The following CASK variants were observed in gnomAD, a reference collection of about 807,000 sequenced individuals.
The protein encoded by CASK is peripheral plasma membrane protein CASK.
CASK carries 4 observed loss-of-function variants against 82.9 expected under a neutral mutation model. That is an observed-to-expected ratio of 0.05 (90% confidence interval 0.02 to 0.11). The LOEUF is 0.11. Among genes scored for constraint, CASK ranks in the 10% least tolerant of loss-of-function variants. The pLI is 1.00. For missense variants in CASK, 358 were observed against 720.9 expected (o/e 0.50, Z 5.76); for synonymous variants, 259 against 253.5 (o/e 1.02, Z -0.20).
At chrX:41,751,861 G>A (rs907715717) in intron 3 of CASK, among the ~76,000 whole-genome samples, 1 of 110,228 alleles carries the variant, frequency 9.1e-6, no homozygotes, top group African/African-American at 3.3e-5. Flanking sequence ...CTGGGCAAAA[G>A]AGTGAGATGC....
At chrX:41,556,557 AAC>A (rs1260307878) in intron 19 of CASK, among the ~76,000 whole-genome samples, 1 of 112,099 alleles carries the variant, frequency 8.9e-6, no homozygotes, top group African/African-American at 3.2e-5. Flanking sequence ...GTACCACAAT[AAC>A]AGAGGGCACA....
At chrX:41,854,224 G>GCGCGCGCGCA (rs1367817089) in intron 1 of CASK, among the ~76,000 whole-genome samples, 7 of 81,716 alleles carry the variant, frequency 8.6e-5, no homozygotes, top group African/African-American at 3.2e-4. Context: ...GCGGGCGCGC[G>GCGCGCGCGCA]CACACACACA....
chrX:41,922,825 G>A (rs1021646309), intron 1 of CASK, 105 bp downstream of exon 1: 23 of 661,813 alleles, frequency 3.5e-5, no homozygotes, highest in Non-Finnish European at 4.9e-5. Flanking sequence ...AGGGGAAGAG[G>A]GGAAGGAGGG....
chrX:41,873,653 A>G (rs1356681833), intron 1 of CASK, among the ~76,000 whole-genome samples: 1 of 111,855 alleles, frequency 8.9e-6, no homozygotes, highest in African/African-American at 3.2e-5. Context: ...CTTTCTAGGG[A>G]ACACATCAAA....
Position 41,564,755 on chromosome X carries a change from C to G in CASK, c.1583-3111G>C, listed in dbSNP as rs746440398. On this transcript the variant is annotated intron_variant, in intron 16 of 26. Transcript: ENST00000378163. ...GGACCTAATAGACATCTACAGAACCCTCCACCCAAAATCAACAGAATATAT... is the reference window on the plus strand; with the variant it reads ...GGACCTAATAGACATCTACAGAACCGTCCACCCAAAATCAACAGAATATAT... Among the ~76,000 whole-genome samples, 3 of 111,898 alleles carry G rather than the reference C, an allele frequency of 2.7e-5. 1 individual carries two copies. In the South Asian group the frequency reaches 1.1e-3, roughly 42 times the overall value.
intron 12 of CASK, among the ~76,000 whole-genome samples, chrX:41,594,405 C>G (rs976084824): frequency 8.9e-6 from 1 of 112,301 alleles, no homozygotes; most frequent in Admixed American, 9.4e-5. Flanking sequence ...ACGCATTAGA[C>G]ACTGGAGGTG....
intron 18 of CASK, 98 bp downstream of exon 18, chrX:41,559,681 G>T: frequency 1.4e-6 from 1 of 723,337 alleles, no homozygotes; most frequent in Non-Finnish European, 2.2e-6. Context: ...TAACAGCACA[G>T]GCAGAAACAA....
rs200958038 is a variant in CASK at position 41,593,218 on chromosome X, C to CA, written c.1156-3627dup. On this transcript the variant is annotated intron_variant, in intron 12 of 26. Transcript: ENST00000378163. ...CTCAAGTCCTAGAAACTGCACCTCTCAAGGCAGCCACAGGATAGAGAGGAT... is the reference window on the plus strand; with the variant it reads ...CTCAAGTCCTAGAAACTGCACCTCTCAAAGGCAGCCACAGGATAGAGAGGAT... 2.6e-3 allele frequency among the ~76,000 whole-genome samples: 284 copies of CA among 111,183 alleles called. 8 individuals are homozygous for CA. The East Asian group carries it at 0.076, about 30-fold the overall frequency.
At chrX:41,881,448 T>A (rs762161572) in intron 1 of CASK, among the ~76,000 whole-genome samples, 1 of 111,380 alleles carries the variant, frequency 9.0e-6, no homozygotes, top group Non-Finnish European at 1.9e-5. Flanking sequence ...TTTAAACAAT[T>A]GTTTGTAGAA....
intron 12 of CASK, among the ~76,000 whole-genome samples, chrX:41,596,380 A>T (rs1385373601): frequency 8.9e-6 from 1 of 112,260 alleles, no homozygotes; most frequent in African/African-American, 3.2e-5. Flanking sequence ...TTTATTTACA[A>T]AAACAGGTGG....
At chrX:41,786,357 G>GT (rs1197998175) in intron 3 of CASK, among the ~76,000 whole-genome samples, 1 of 100,674 alleles carries the variant, frequency 9.9e-6, no homozygotes, top group East Asian at 3.2e-4. Context: ...TATATCTTCT[G>GT]TTTTTTTTCC....
At position 41,739,532 on chromosome X, in the gene CASK, A is replaced by T; in HGVS notation, c.357-76T>A. The T allele has an allele frequency of 6.2e-6, 4 of 643,773 alleles. No homozygotes were observed. The South Asian group carries it at 6.9e-5, about 11-fold the overall frequency. The allele number at this position is 643,773 out of a possible 1,213,427, so 53.1% of individuals were successfully genotyped here. A position where few individuals can be genotyped will look rare whatever the true frequency, so the allele number is the denominator to read the frequency against. On this transcript the variant is annotated intron_variant, in intron 4 of 26. Transcript: ENST00000378163. The stretch of plus-strand genomic sequence containing the variant: ...ACTTAATATACAGTGCTCCTAGTTT[A>T]TAACTCCCACTCTCATATTAGCTGT...
intron 5 of CASK, among the ~76,000 whole-genome samples, chrX:41,733,013 A>G (rs1475930431): frequency 1.8e-5 from 2 of 110,008 alleles, no homozygotes; most frequent in African/African-American, 3.3e-5. Flanking sequence ...TAAAAAATAT[A>G]TATATAAAAA....
At chrX:41,853,690 T>C (rs752200762) in intron 1 of CASK, among the ~76,000 whole-genome samples, 4 of 111,634 alleles carry the variant, frequency 3.6e-5, no homozygotes, top group Non-Finnish European at 7.5e-5. Flanking sequence ...ACTGAGTTTA[T>C]CTCAAATATC....
At chrX:41,753,754 C>T (rs1234246370) in intron 3 of CASK, among the ~76,000 whole-genome samples, 1 of 111,041 alleles carries the variant, frequency 9.0e-6, no homozygotes, top group Non-Finnish European at 1.9e-5. Flanking sequence ...GGCATGGCAG[C>T]ACATGCCTGT....
At chrX:41,546,922 T>G (rs1182596586) in intron 21 of CASK, among the ~76,000 whole-genome samples, 1 of 110,731 alleles carries the variant, frequency 9.0e-6, no homozygotes, top group Non-Finnish European at 1.9e-5. Context: ...CTTATTTTAT[T>G]TTTTTATTAT....
chrX:41,841,384 A>C (rs1256267682), intron 2 of CASK, among the ~76,000 whole-genome samples: 1 of 110,991 alleles, frequency 9.0e-6, no homozygotes, highest in African/African-American at 3.3e-5. Context: ...TTATCATTTT[A>C]ATCAGGTTAT....
At chrX:41,601,075 A>C (rs1187825742) in intron 12 of CASK, among the ~76,000 whole-genome samples, 1 of 111,649 alleles carries the variant, frequency 9.0e-6, no homozygotes, top group Non-Finnish European at 1.9e-5. Context: ...AGAAAGTAGA[A>C]GGGTGGTTGC....
intron 16 of CASK, chrX:41,562,924 G>A (rs2065250228): frequency 9.4e-6 from 1 of 106,871 alleles, no homozygotes; most frequent in Admixed American, 1.0e-4. Flanking sequence ...TGTGCGTGGT[G>A]GTGGGCACCT....
Sources: allele counts gnomAD v4.1 joint callset (sites outside exome capture counted in the v4.1 genomes callset), GRCh38; gene constraint gnomAD v4.1.1; transcripts MANE v1.5; gene names NCBI Gene and HGNC (gene_info 2026-07-23, HGNC 2026-07-21).